KCNQ5: variants seen among roughly 807,000 people sequenced by gnomAD.
KCNQ5 encodes potassium voltage-gated channel subfamily KQT member 5.
A neutral mutation model predicts 98.2 loss-of-function variants in KCNQ5; 30 were observed. That is an observed-to-expected ratio of 0.31 (90% CI 0.23 to 0.41). The LOEUF (loss-of-function observed/expected upper bound fraction) is 0.41, where lower values mean the gene tolerates loss of function less well. Among genes scored for constraint, KCNQ5 ranks in the 10% least tolerant of loss-of-function variants. The pLI is 1.00. For synonymous variants in KCNQ5, 458 were observed against 449.4 expected, an observed-to-expected ratio of 1.02 and a Z score of -0.24; for missense variants, 835 against 1,182.5, an observed-to-expected ratio of 0.71 and a Z score of 4.31.
chr6:72,663,639 A>G (rs1011520608), intron 1 of KCNQ5, among the ~76,000 whole-genome samples: 5 of 152,216 alleles, frequency 3.3e-5, no homozygotes, highest in African/African-American at 1.2e-4. Flanking sequence ...GATCCCAAAT[A>G]CAAGTTCCCA....
intron 1 of KCNQ5, among the ~76,000 whole-genome samples, chr6:72,891,438 C>T (rs1234222887): frequency 2.0e-5 from 3 of 152,134 alleles, no homozygotes; most frequent in Non-Finnish European, 4.4e-5. Flanking sequence ...AAGGATCCTT[C>T]ATACCCAGAT....
intron 1 of KCNQ5, among the ~76,000 whole-genome samples, chr6:72,979,587 G>T (rs898820440): frequency 1.7e-4 from 26 of 152,152 alleles, no homozygotes; most frequent in Admixed American, 1.4e-3. Context: ...CCCTTTGTTA[G>T]ATGGGTAGAT....
Position 73,133,466 on chromosome 6 carries a change from G to A in KCNQ5, c.1293G>A (p.Arg431=), listed in dbSNP as rs768085663. 10 of 1,614,088 alleles carry A rather than the reference G, an allele frequency of 6.2e-6. No individual in the cohort carries two copies. In the South Asian group the frequency reaches 1.1e-4, roughly 18 times the overall value. The part of the protein sequence containing the change: ...FKERVRMASP[R]GQSIKSRQAS... ...AGCGAGTGCGCATGGCTAGCCCCAGGGGCCAGAGTATTAAGAGCCGACAAG... is the reference window on the plus strand; with the variant it reads ...AGCGAGTGCGCATGGCTAGCCCCAGAGGCCAGAGTATTAAGAGCCGACAAG... The change falls in exon 10 of 14, where the codon AGG becomes AGA. Residue 431 remains arginine (R), a synonymous_variant. Coordinates refer to ENST00000370398, the MANE Select transcript of KCNQ5 (RefSeq NM_019842.4).
chr6:72,866,562 C>A (rs951732350), intron 1 of KCNQ5, among the ~76,000 whole-genome samples: 2 of 152,262 alleles, frequency 1.3e-5, no homozygotes, highest in Middle Eastern at 3.4e-3. Context: ...GCCCAGCCAT[C>A]TCCATCTTTA....
intron 1 of KCNQ5, among the ~76,000 whole-genome samples, chr6:72,739,256 A>G (rs1228237316): frequency 6.6e-6 from 1 of 152,218 alleles, no homozygotes; most frequent in Non-Finnish European, 1.5e-5. Context: ...TTATGAATTA[A>G]TATGAGAATT....
At chr6:72,757,191 G>A (rs1240113407) in intron 1 of KCNQ5, among the ~76,000 whole-genome samples, 4 of 152,152 alleles carry the variant, frequency 2.6e-5, no homozygotes, top group African/African-American at 9.6e-5. Flanking sequence ...TTTTCATATA[G>A]TGTGCTCATA....
At chr6:72,973,749 AT>A (rs1186976818) in intron 1 of KCNQ5, among the ~76,000 whole-genome samples, 2 of 152,224 alleles carry the variant, frequency 1.3e-5, no homozygotes, top group Non-Finnish European at 2.9e-5. Context: ...CAAAAAGGGA[AT>A]AGTAAAGAAC....
chr6:72,834,739 A>C (rs1776429240), intron 1 of KCNQ5, among the ~76,000 whole-genome samples: 1 of 152,092 alleles, frequency 6.6e-6, no homozygotes, highest in Non-Finnish European at 1.5e-5. Context: ...CAAGGCCTGT[A>C]ATCTTTCTTA....
chr6:72,757,167 C>T (rs1394007470), intron 1 of KCNQ5, among the ~76,000 whole-genome samples: 1 of 151,996 alleles, frequency 6.6e-6, no homozygotes, highest in African/African-American at 2.4e-5. Flanking sequence ...TGTAATTGAG[C>T]ATTCAAATTA....
chr6:72,677,738 A>T (rs931595611), intron 1 of KCNQ5, among the ~76,000 whole-genome samples: 1 of 152,214 alleles, frequency 6.6e-6, no homozygotes, highest in Non-Finnish European at 1.5e-5. Flanking sequence ...ACCATGTTCA[A>T]AACATACTAA....
intron 1 of KCNQ5, among the ~76,000 whole-genome samples, chr6:72,852,060 T>C (rs549674781): frequency 5.0e-4 from 76 of 152,254 alleles, no homozygotes; most frequent in African/African-American, 1.8e-3. Context: ...TAAAATTAAT[T>C]AATAAACAGC....
At chr6:72,655,412 C>T (rs1038906754) in intron 1 of KCNQ5, among the ~76,000 whole-genome samples, 2 of 152,018 alleles carry the variant, frequency 1.3e-5, no homozygotes, top group Non-Finnish European at 2.9e-5. Flanking sequence ...CTGTCCATCA[C>T]AGTGAGACAT....
chr6:72,974,989 G>A (rs554318384), intron 1 of KCNQ5, among the ~76,000 whole-genome samples: 8 of 151,880 alleles, frequency 5.3e-5, no homozygotes, highest in South Asian at 2.1e-4. Context: ...TACTCGCCTC[G>A]GCCTCCCAAA....
chr6:72,941,787 A>T (rs1477146427), intron 1 of KCNQ5, among the ~76,000 whole-genome samples: 2 of 145,782 alleles, frequency 1.4e-5, no homozygotes, highest in Non-Finnish European at 3.0e-5. Context: ...TTCCTTCTCC[A>T]TGCCAGGCAC....
intron 1 of KCNQ5, among the ~76,000 whole-genome samples, chr6:72,791,913 C>T (rs533127607): frequency 2.0e-5 from 3 of 152,104 alleles, no homozygotes; most frequent in Non-Finnish European, 2.9e-5. Flanking sequence ...TTAATCAACT[C>T]CTAAGGTGCT....
chr6:73,066,663 A>C (rs1225788053), intron 3 of KCNQ5, among the ~76,000 whole-genome samples: 1 of 152,202 alleles, frequency 6.6e-6, no homozygotes, highest in East Asian at 1.9e-4. Flanking sequence ...GATCCTTGAG[A>C]CTTGCCAGTT....
Position 73,064,620 on chromosome 6 carries a change from G to A in KCNQ5, c.617-12702G>A, listed in dbSNP as rs149535538. ...TGTCATTTGGTAGGTGTGAAAATAGGTACTGAAGAAAATTTTAAACATCTG... is the reference window on the plus strand; with the variant it reads ...TGTCATTTGGTAGGTGTGAAAATAGATACTGAAGAAAATTTTAAACATCTG... On this transcript the variant is annotated intron_variant, in intron 3 of 13. Transcript: ENST00000370398. Among the ~76,000 whole-genome samples, 18 of 152,158 alleles carry A rather than the reference G, an allele frequency of 1.2e-4. No homozygotes were observed. The East Asian group carries it at 2.9e-3, about 24-fold the overall frequency.
At chr6:73,148,512 A>T (rs1300713332) in intron 10 of KCNQ5, among the ~76,000 whole-genome samples, 1 of 152,242 alleles carries the variant, frequency 6.6e-6, no homozygotes, top group Non-Finnish European at 1.5e-5. Context: ...CAAAAAAAGT[A>T]CTGGTTAGCA....
chr6:73,003,134 A>AT (rs1769662845), intron 1 of KCNQ5, among the ~76,000 whole-genome samples: 1 of 152,074 alleles, frequency 6.6e-6, no homozygotes, highest in Admixed American at 6.6e-5. Flanking sequence ...TTTAGTAGAC[A>AT]TTTTCCTTGG....
Sources: allele counts gnomAD v4.1 joint callset (sites outside exome capture counted in the v4.1 genomes callset), GRCh38; gene constraint gnomAD v4.1.1; transcripts MANE v1.5; gene names NCBI Gene and HGNC (gene_info 2026-07-23, HGNC 2026-07-21).